The following CAMK4 variants were observed in gnomAD, a reference collection of about 807,000 sequenced individuals.
CAMK4 encodes calcium/calmodulin dependent protein kinase IV.
In CAMK4, 22 loss-of-function variants were observed where a neutral mutation model predicts 44.9. The ratio of observed to expected loss-of-function variants is 0.49; its 90% CI spans 0.35 to 0.70. The LOEUF (loss-of-function observed/expected upper bound fraction) is 0.70, where lower values mean the gene tolerates loss of function less well. CAMK4 is among the 30% of genes least tolerant of loss of function. CAMK4 has a pLI of 0.01. For missense variants in CAMK4, 498 were observed against 586.8 expected, an observed-to-expected ratio of 0.85 and a Z score of 1.56; for synonymous variants, 218 against 215.4, an observed-to-expected ratio of 1.01 and a Z score of -0.11.
At position 111,494,105 on chromosome 5, in the gene CAMK4, T is replaced by C. The variant is rs547884627; in HGVS notation, c.*9639T>C. On this transcript the variant is annotated 3_prime_UTR_variant, in exon 11 of 11. Transcript: ENST00000282356. Reference sequence around the variant, plus strand: ...GACTAAAAGGATATAAGCAGCTCAATAGCAGCATAGAGGATTAGATTAATG... The same window carrying C: ...GACTAAAAGGATATAAGCAGCTCAACAGCAGCATAGAGGATTAGATTAATG... The C allele has an allele frequency of 2.0e-5, 3 of 152,286 alleles. No homozygotes were observed. Among genetic ancestry groups the C allele is most frequent in the South Asian group, 2.1e-4 (1 of 4,822 alleles). The allele number at this position is 152,286 out of a possible 1,614,324, so 9.4% of individuals were successfully genotyped here.
intron 1 of CAMK4, among the ~76,000 whole-genome samples, chr5:111,266,363 T>C (rs1289156534): frequency 1.3e-5 from 2 of 152,170 alleles, no homozygotes; most frequent in African/African-American, 4.8e-5. Context: ...GAATTCTTTC[T>C]TTATATAAGC....
In CAMK4 at chr5:111,446,786, TTTC is replaced by T; in HGVS notation, c.550+16_550+18del. The T allele has an allele frequency of 6.4e-7, 1 of 1,553,000 alleles. No individual in the cohort carries two copies. Among genetic ancestry groups the T allele is most frequent in the Non-Finnish European group, 8.9e-7 (1 of 1,124,548 alleles). The stretch of plus-strand genomic sequence containing the variant: ...GCACCACTCAAAATCGGTGAGAACA[TTTC>T]TTCTTGTTTTGTGACCCCTTTTTTC... On this transcript the variant is annotated intron_variant, in intron 6 of 10. Coordinates refer to ENST00000282356, the MANE Select transcript of CAMK4 (RefSeq NM_001744.6).
chr5:111,339,566 A>G (rs188638850), intron 1 of CAMK4, among the ~76,000 whole-genome samples: 16 of 151,358 alleles, frequency 1.1e-4, no homozygotes, highest in Admixed American at 5.3e-4. Flanking sequence ...AGGGATCTCT[A>G]TTTGTTCCAT....
intron 1 of CAMK4, among the ~76,000 whole-genome samples, chr5:111,278,472 A>G (rs1185905817): frequency 6.6e-6 from 1 of 152,254 alleles, no homozygotes; most frequent in Non-Finnish European, 1.5e-5. Flanking sequence ...AAGAAATAAA[A>G]GACAACATAT....
rs984677735 is a variant in CAMK4 at position 111,492,198 on chromosome 5, C to T, written c.*7732C>T. 4 of 151,926 alleles carry T rather than the reference C, an allele frequency of 2.6e-5. No homozygotes were observed. The highest frequency in any genetic ancestry group is 6.6e-5 in the Admixed American group (1 of 15,248). 9.4% of individuals were successfully genotyped at this position (151,926 alleles called of 1,614,324 possible). A position where few individuals can be genotyped will look rare whatever the true frequency, so the allele number is the denominator to read the frequency against. On this transcript the variant is annotated 3_prime_UTR_variant, in exon 11 of 11. Transcript: ENST00000282356. ...TAGGCATTCATGACCTTTGTGTTTC[C>T]GTTTGACTTTCAACATCTGTAACCA...
At chr5:111,431,391 C>A (rs935109136) in intron 5 of CAMK4, among the ~76,000 whole-genome samples, 5 of 152,132 alleles carry the variant, frequency 3.3e-5, no homozygotes, top group Admixed American at 3.3e-4. Flanking sequence ...AACCTACAAC[C>A]TCAAACTATG....
rs952325936 is a variant in CAMK4 at position 111,488,538 on chromosome 5, A to G, written c.*4072A>G. On this transcript the variant is annotated 3_prime_UTR_variant, in exon 11 of 11. Transcript: ENST00000282356. ...TAGCAATCCCTATGTCCTGTTTCACATGCATGGTAACTGATGGTGGGTTGC... is the reference window on the plus strand; with the variant it reads ...TAGCAATCCCTATGTCCTGTTTCACGTGCATGGTAACTGATGGTGGGTTGC... 1.3e-5 allele frequency: 2 copies of G among 152,210 alleles called. No homozygotes were observed. The highest frequency in any genetic ancestry group is 6.5e-5 in the Admixed American group (1 of 15,272). The allele number at this position is 152,210 out of a possible 1,614,324, so 9.4% of individuals were successfully genotyped here.
rs202172623 is a variant in CAMK4 at position 111,479,394 on chromosome 5, A to C, written c.828+887A>C. 9.7e-3 allele frequency among the ~76,000 whole-genome samples: 574 copies of C among 58,882 alleles called. 6 individuals are homozygous for C. Among genetic ancestry groups the C allele is most frequent in the African/African-American group, 0.021 (553 of 25,792 alleles). The allele number at this position is 58,882 out of a possible 152,430, so 38.6% of individuals were successfully genotyped here. The stretch of plus-strand genomic sequence containing the variant: ...TTCAGGAAATCCATACCTTCTGGGG[A>C]GGTCACTCACCTCTTATAAAATAAA... On this transcript the variant is annotated intron_variant, in intron 9 of 10. Coordinates refer to ENST00000282356, the MANE Select transcript of CAMK4 (RefSeq NM_001744.6).
In CAMK4 at chr5:111,308,907, G is replaced by T. The variant is rs1748077156; in HGVS notation, c.162-35117G>T. ...TTGAGATATAATTAACCTTCTATTT[G>T]CCATATGGGGATTACCTGTGTTGTG... is the stretch of plus-strand genomic sequence containing the variant. On this transcript the variant is annotated intron_variant, in intron 1 of 10. Transcript: ENST00000282356. Among the ~76,000 whole-genome samples the T allele has an allele frequency of 2.0e-5, 3 of 152,174 alleles. No homozygotes were observed. In the South Asian group the frequency reaches 6.2e-4, roughly 32 times the overall value.
intron 5 of CAMK4, among the ~76,000 whole-genome samples, chr5:111,422,617 A>T (rs1031678736): frequency 1.3e-5 from 2 of 152,214 alleles, no homozygotes; most frequent in African/African-American, 4.8e-5. Flanking sequence ...ATCAAAGCAG[A>T]TGGAACATTT....
chr5:111,320,077 C>G (rs531390960), intron 1 of CAMK4, among the ~76,000 whole-genome samples: 1 of 152,090 alleles, frequency 6.6e-6, no homozygotes, highest in African/African-American at 2.4e-5. Flanking sequence ...TCATTAATGC[C>G]TAAAACCTTG....
chr5:111,279,931 G>A (rs1750937528), intron 1 of CAMK4, among the ~76,000 whole-genome samples: 1 of 152,186 alleles, frequency 6.6e-6, no homozygotes, highest in Non-Finnish European at 1.5e-5. Context: ...CATTCCTGAT[G>A]AGCTTTCATT....
At position 111,224,715 on chromosome 5, in the gene CAMK4, C is replaced by G. The variant is rs2290679; in HGVS notation, c.161+71C>G. 2.1e-6 allele frequency: 3 copies of G among 1,460,078 alleles called. No homozygotes were observed. Among genetic ancestry groups the G allele is most frequent in the Non-Finnish European group, 2.8e-6 (3 of 1,072,082 alleles). 90.4% of individuals were successfully genotyped at this position (1,460,078 alleles called of 1,614,324 possible). ...GGTTGTCCCTCTCGCAGCGACGGCT[C>G]GGAGGGTGCGGGAGCCTGCCTTCGT... is the stretch of plus-strand genomic sequence containing the variant. On this transcript the variant is annotated intron_variant, in intron 1 of 10. Coordinates refer to ENST00000282356, the MANE Select transcript of CAMK4 (RefSeq NM_001744.6). This position sits in a 1 kb window ranked among gnomAD's most constrained non-coding sequence, Gnocchi z 5.7.
At chr5:111,475,706 G>T (rs1184204080) in intron 8 of CAMK4, among the ~76,000 whole-genome samples, 1 of 152,134 alleles carries the variant, frequency 6.6e-6, no homozygotes, top group Non-Finnish European at 1.5e-5. Flanking sequence ...CTTCTGTCAG[G>T]CCCTAAGCCT....
At chr5:111,299,043 T>G (rs1747609698) in intron 1 of CAMK4, among the ~76,000 whole-genome samples, 1 of 152,212 alleles carries the variant, frequency 6.6e-6, no homozygotes, top group Admixed American at 6.5e-5. Flanking sequence ...CTCTTTGTAT[T>G]GTTGTCGTGG....
chr5:111,224,696 C>A lies in CAMK4; in HGVS notation c.161+52C>A. 6.4e-7 allele frequency: 1 copy of A among 1,553,078 alleles called. No individual in the cohort carries two copies. The highest frequency in any genetic ancestry group is 8.7e-7 in the Non-Finnish European group (1 of 1,145,078). ...GCCCGCGGCGTGCACTGGGGGTTGT[C>A]CCTCTCGCAGCGACGGCTCGGAGGG... is the stretch of plus-strand genomic sequence containing the variant. On this transcript the variant is annotated intron_variant, in intron 1 of 10. Transcript: ENST00000282356. The surrounding 1 kb of genome is among the most constrained non-coding windows in gnomAD (Gnocchi z 5.7).
chr5:111,247,331 A>T (rs2112532062), intron 1 of CAMK4, among the ~76,000 whole-genome samples: 1 of 147,490 alleles, frequency 6.8e-6, no homozygotes, highest in Admixed American at 6.8e-5. Context: ...ATTTATAGCT[A>T]TATAAATTTA....
Position 111,434,207 on chromosome 5 carries a change from C to T in CAMK4, c.460-12479C>T, listed in dbSNP as rs542987762. Among the ~76,000 whole-genome samples the T allele has an allele frequency of 6.6e-5, 10 of 150,844 alleles. No homozygotes were observed. In the South Asian group the frequency reaches 1.9e-3, roughly 29 times the overall value. Reference sequence around the variant, plus strand: ...ACTCGGAAGGCTGAGGCAGGAGAATCGCTTGAATCTGGGAGGCGGAGGTTG... The same window carrying T: ...ACTCGGAAGGCTGAGGCAGGAGAATTGCTTGAATCTGGGAGGCGGAGGTTG... On this transcript the variant is annotated intron_variant, in intron 5 of 10. Coordinates refer to ENST00000282356, the MANE Select transcript of CAMK4 (RefSeq NM_001744.6).
intron 1 of CAMK4, among the ~76,000 whole-genome samples, chr5:111,285,258 C>T (rs1233940103): frequency 1.3e-5 from 2 of 152,200 alleles, no homozygotes; most frequent in African/African-American, 4.8e-5. Flanking sequence ...GAACTATACA[C>T]ATACACACAC....
Sources: gnomAD v4.1 joint callset for allele counts (sites outside exome capture counted in the v4.1 genomes callset) on GRCh38, gnomAD v4.1.1 for gene constraint, Gnocchi (gnomAD v3.1) non-coding constraint, MANE v1.5 for transcripts, NCBI Gene and HGNC (gene_info 2026-07-23, HGNC 2026-07-21) for gene names.